MTCL1: variants seen among roughly 807,000 people sequenced by gnomAD.
The protein encoded by MTCL1 is microtubule crosslinking factor 1, also known as microtubule cross-linking factor 1.
Under a neutral mutation model 141.4 loss-of-function variants are expected in MTCL1, and 79 were observed. The ratio of observed to expected loss-of-function variants is 0.56; its 90% CI spans 0.47 to 0.67. The LOEUF (loss-of-function observed/expected upper bound fraction) is 0.67. MTCL1 is among the 30% of genes least tolerant of loss of function. MTCL1 has a pLI of 0.00. For missense variants in MTCL1, 2,177 were observed against 2,113.9 expected (o/e 1.03, Z -0.59); for synonymous variants, 914 against 875.8 (o/e 1.04, Z -0.77).
chr18:8,751,850 T>A (rs749713669), intron 4 of MTCL1, among the ~76,000 whole-genome samples: 2 of 152,186 alleles, frequency 1.3e-5, no homozygotes, highest in Non-Finnish European at 2.9e-5. Context: ...GAAAGTTGTT[T>A]CATTGACCTG....
At chr18:8,792,192 G>A (rs1568046416) in intron 7 of MTCL1, among the ~76,000 whole-genome samples, 2 of 152,126 alleles carry the variant, frequency 1.3e-5, no homozygotes, top group Admixed American at 6.5e-5. Flanking sequence ...TAATCCAGTG[G>A]GTAAAATGTC....
At chr18:8,745,797 G>A (rs2096333697) in intron 4 of MTCL1, among the ~76,000 whole-genome samples, 2 of 152,176 alleles carry the variant, frequency 1.3e-5, no homozygotes, top group South Asian at 4.1e-4. Flanking sequence ...GTGGCATTAA[G>A]TACATTCACA....
chr18:8,761,403 A>C (rs1239709422), intron 4 of MTCL1, among the ~76,000 whole-genome samples: 1 of 152,250 alleles, frequency 6.6e-6, no homozygotes, highest in African/African-American at 2.4e-5. Context: ...CATTAAGTAC[A>C]TCACAGTGTT....
intron 4 of MTCL1, among the ~76,000 whole-genome samples, chr18:8,726,012 C>T (rs984130710): frequency 6.6e-6 from 1 of 151,786 alleles, no homozygotes; most frequent in African/African-American, 2.4e-5. Context: ...AGGATGGTCT[C>T]AATCTCCAGA....
At chr18:8,737,449 T>C (rs2096280049) in intron 4 of MTCL1, among the ~76,000 whole-genome samples, 1 of 152,340 alleles carries the variant, frequency 6.6e-6, no homozygotes, top group South Asian at 2.1e-4. Context: ...TAACAAACCC[T>C]GGGCCAGGCA....
intron 16 of MTCL1, 163 bp from the exon 15 acceptor site, chr18:8,831,444 T>C (rs2077188668): frequency 2.1e-6 from 3 of 1,432,392 alleles, no homozygotes; most frequent in Non-Finnish European, 9.1e-7. Flanking sequence ...TCTTTATTAT[T>C]TTAAGTTATT....
intron 4 of MTCL1, among the ~76,000 whole-genome samples, chr18:8,750,496 C>T (rs2096365388): frequency 6.6e-6 from 1 of 152,174 alleles, no homozygotes. Flanking sequence ...GGCTGGGCAG[C>T]TCGGGCCAGT....
intron 4 of MTCL1, among the ~76,000 whole-genome samples, chr18:8,727,301 T>A (rs1335121621): frequency 6.6e-6 from 1 of 152,170 alleles, no homozygotes; most frequent in Non-Finnish European, 1.5e-5. Context: ...TTCTTTTGGG[T>A]AGATGCACAT....
chr18:8,788,340 C>T lies in MTCL1; in HGVS notation c.1887+2249C>T, dbSNP rs572981416. Reference sequence around the variant, plus strand: ...TGTGGATCCCCTTTAGCTCTCTGCCCGTAGCTCCTCAGGGGTGTGGGAGGG... The same window carrying T: ...TGTGGATCCCCTTTAGCTCTCTGCCTGTAGCTCCTCAGGGGTGTGGGAGGG... On this transcript the variant is annotated intron_variant, in intron 7 of 16. Coordinates refer to ENST00000359865, the Ensembl canonical transcript of MTCL1. Among the ~76,000 whole-genome samples, 11 of 152,020 alleles carry T rather than the reference C, an allele frequency of 7.2e-5. No individual in the cohort carries two copies. In the East Asian group the frequency reaches 1.7e-3, roughly 24 times the overall value.
intron 4 of MTCL1, among the ~76,000 whole-genome samples, chr18:8,774,431 T>C (rs2096497157): frequency 6.6e-6 from 1 of 151,306 alleles, no homozygotes; most frequent in South Asian, 2.1e-4. Flanking sequence ...ATACAGGTTC[T>C]GCAAATTTCT....
intron 12 of MTCL1, among the ~76,000 whole-genome samples, chr18:8,818,351 T>A (rs964023288): frequency 6.6e-6 from 1 of 152,230 alleles, no homozygotes; most frequent in African/African-American, 2.4e-5. Context: ...GTGGCTTTTT[T>A]TTTTTCTTCA....
At chr18:8,760,617 C>CT (rs1299104472) in intron 4 of MTCL1, among the ~76,000 whole-genome samples, 1 of 152,174 alleles carries the variant, frequency 6.6e-6, no homozygotes, top group Non-Finnish European at 1.5e-5. Context: ...TTCTTCATTC[C>CT]TTTTTTCTTT....
At chr18:8,716,963 G>A (rs763962824), upstream of MTCL1, among the ~76,000 whole-genome samples, 6 of 152,134 alleles carry the variant, frequency 3.9e-5, no homozygotes, top group Non-Finnish European at 8.8e-5. Flanking sequence ...ACATCTGTGG[G>A]TTTGGGAAGA....
At chr18:8,772,437 A>G (rs886958150) in intron 4 of MTCL1, among the ~76,000 whole-genome samples, 11 of 151,850 alleles carry the variant, frequency 7.2e-5, no homozygotes, top group African/African-American at 2.7e-4. Flanking sequence ...TTTCCATTTT[A>G]AAGGAAATAG....
At chr18:8,720,445 A>C in exon 4 of MTCL1, 1 of 1,614,138 alleles carries the variant, frequency 6.2e-7, no homozygotes, top group Non-Finnish European at 8.5e-7. Context: ...AGATGATTGA[A>C]GTGGAAATAT....
At chr18:8,718,293 C>T (rs1008428881) in intron 2 of MTCL1, 131 bp from the exon 2 acceptor site, 6 of 833,560 alleles carry the variant, frequency 7.2e-6, no homozygotes, top group African/African-American at 1.7e-5. Context: ...GTCACCCAGG[C>T]GTGGCCATGA....
intron 4 of MTCL1, among the ~76,000 whole-genome samples, chr18:8,756,483 G>A (rs1464570561): frequency 1.3e-5 from 2 of 150,206 alleles, no homozygotes; most frequent in South Asian, 2.1e-4. Context: ...GTGTATATGT[G>A]TGTATATATG....
Position 8,784,860 on chromosome 18 carries a change from C to T in MTCL1, c.1731+17C>T. On this transcript the variant is annotated intron_variant, in intron 6 of 16. Transcript: ENST00000359865. ...GACTTGCAGGTAAGGGGGCTCGTGG[C>T]TTCGCCTCCCTGCTCCGCCTTGCTC... 1 of 1,554,492 alleles carries T rather than the reference C, an allele frequency of 6.4e-7. No individual in the cohort carries two copies. Among genetic ancestry groups the T allele is most frequent in the Non-Finnish European group, 8.7e-7 (1 of 1,148,510 alleles).
chr18:8,823,707 C>T (rs1462480957), intron 14 of MTCL1, among the ~76,000 whole-genome samples: 2 of 152,236 alleles, frequency 1.3e-5, no homozygotes, highest in South Asian at 2.1e-4. Flanking sequence ...TGTTTTACCC[C>T]GTGGTGCTGA....
Sources: gnomAD v4.1 joint callset for allele counts (sites outside exome capture counted in the v4.1 genomes callset) on GRCh38, gnomAD v4.1.1 for gene constraint, MANE v1.5 for transcripts, NCBI Gene and HGNC (gene_info 2026-07-23, HGNC 2026-07-21) for gene names.